JPH3: variants seen among roughly 807,000 people sequenced by gnomAD.
The protein encoded by JPH3 is junctophilin-3.
A neutral mutation model predicts 59.6 loss-of-function variants in JPH3; 11 were observed. The observed-to-expected ratio is 0.18, with a 90% CI of 0.12 to 0.31. JPH3 has a LOEUF of 0.31. JPH3 is among the 10% of genes least tolerant of loss of function. The pLI is 1.00. For synonymous variants in JPH3, 673 were observed against 483.6 expected, an observed-to-expected ratio of 1.39 and a Z score of -5.14; for missense variants, 1,202 against 1,105.7, an observed-to-expected ratio of 1.09 and a Z score of -1.24.
chr16:87,652,772 G>A (rs927762531), intron 2 of JPH3, among the ~76,000 whole-genome samples: 4 of 152,324 alleles, frequency 2.6e-5, no homozygotes, highest in East Asian at 1.9e-4. Context: ...GGTGGCAGCC[G>A]GTGTGCTGGT....
intron 2 of JPH3, among the ~76,000 whole-genome samples, chr16:87,681,047 C>A (rs556657442): frequency 2.0e-5 from 3 of 152,162 alleles, no homozygotes. Flanking sequence ...CGGGAGCTTA[C>A]GGGAGTGGGA....
intron 1 of JPH3, among the ~76,000 whole-genome samples, chr16:87,620,671 C>T (rs1018853774): frequency 6.6e-6 from 1 of 152,158 alleles, no homozygotes; most frequent in African/African-American, 2.4e-5. Flanking sequence ...TTGCGTCTTT[C>T]CTTGGATTCC....
chr16:87,661,898 C>T (rs1160880939), intron 2 of JPH3, among the ~76,000 whole-genome samples: 6 of 152,240 alleles, frequency 3.9e-5, no homozygotes, highest in Non-Finnish European at 7.3e-5. Context: ...CATTGCCTCA[C>T]ACTCACGTCC....
At chr16:87,675,561 G>A (rs543364486) in intron 2 of JPH3, among the ~76,000 whole-genome samples, 57 of 152,362 alleles carry the variant, frequency 3.7e-4, no homozygotes, top group African/African-American at 1.2e-3. Flanking sequence ...TGGCACAGCC[G>A]TGCTGTGGGA....
At chr16:87,652,283 G>T (rs1216215332) in intron 2 of JPH3, among the ~76,000 whole-genome samples, 1 of 152,186 alleles carries the variant, frequency 6.6e-6, no homozygotes, top group Non-Finnish European at 1.5e-5. Flanking sequence ...CCTGTTAGAA[G>T]TTGCCGCCTC....
At chr16:87,620,858 T>G (rs944306753) in intron 1 of JPH3, among the ~76,000 whole-genome samples, 1 of 152,150 alleles carries the variant, frequency 6.6e-6, no homozygotes, top group Non-Finnish European at 1.5e-5. Context: ...TTAGGAGCAT[T>G]CGAAAGAAAC....
At chr16:87,606,942 A>G (rs1784567245) in intron 1 of JPH3, among the ~76,000 whole-genome samples, 1 of 152,204 alleles carries the variant, frequency 6.6e-6, no homozygotes, top group South Asian at 2.1e-4. Flanking sequence ...CTCATTTTCC[A>G]CACTGGGAAG....
chr16:87,662,154 C>T (rs1315250319), intron 2 of JPH3, among the ~76,000 whole-genome samples: 1 of 152,212 alleles, frequency 6.6e-6, no homozygotes, highest in Non-Finnish European at 1.5e-5. Context: ...CTGCCCTGGG[C>T]ACAGGGACAT....
At chr16:87,664,507 C>A (rs547583049) in intron 2 of JPH3, among the ~76,000 whole-genome samples, 114 of 152,076 alleles carry the variant, frequency 7.5e-4, no homozygotes, top group African/African-American at 2.3e-3. Flanking sequence ...CGCCTGTAAT[C>A]CCAGCTACTG....
At chr16:87,604,487 C>G (rs959164399) in intron 1 of JPH3, 37 of 1,335,726 alleles carry the variant, frequency 2.8e-5, no homozygotes, top group Admixed American at 2.4e-5. Flanking sequence ...CCAGTCCACT[C>G]CCATGTGGGA....
chr16:87,607,746 G>A (rs920661011), intron 1 of JPH3, among the ~76,000 whole-genome samples: 1 of 152,266 alleles, frequency 6.6e-6, no homozygotes, highest in African/African-American at 2.4e-5. Context: ...TATGCAACAA[G>A]TAATTTCTTT....
intron 1 of JPH3, among the ~76,000 whole-genome samples, chr16:87,629,918 G>A (rs770293503): frequency 3.3e-5 from 5 of 152,194 alleles, no homozygotes; most frequent in Non-Finnish European, 7.3e-5. Context: ...AGGGGATACA[G>A]TATATGGGAA....
At chr16:87,677,462 T>C (rs2033181515) in intron 2 of JPH3, among the ~76,000 whole-genome samples, 1 of 152,212 alleles carries the variant, frequency 6.6e-6, no homozygotes, top group South Asian at 2.1e-4. Context: ...AGGTATCTTA[T>C]CCAGCATAAG....
At chr16:87,635,113 ATGAG>A (rs1567591082) in intron 1 of JPH3, among the ~76,000 whole-genome samples, 3 of 151,946 alleles carry the variant, frequency 2.0e-5, no homozygotes, top group Non-Finnish European at 4.4e-5. Context: ...GGGGCCGCAC[ATGAG>A]TGAGTGTCTC....
rs768600969 is a variant in JPH3 at position 87,644,427 on chromosome 16, G to GGTGGCCGGCAGCCCGGCC, written c.556_573dup (p.Ala186_Val191dup). ...CGCTGCATCCCGACGCCTCTCCGGC[G>GGTGGCCGGCAGCCCGGCC]GTGGCCGGCAGCCCGGCCGTGTCCC... is the stretch of plus-strand genomic sequence containing the variant. On this transcript the variant is annotated inframe_insertion, in exon 2 of 5. Coordinates refer to ENST00000284262, the MANE Select transcript of JPH3 (RefSeq NM_020655.4). 171 of 1,611,938 alleles carry GGTGGCCGGCAGCCCGGCC rather than the reference G, an allele frequency of 1.1e-4. 3 individuals are homozygous for GGTGGCCGGCAGCCCGGCC. The highest frequency in any genetic ancestry group is 1.3e-5 in the Non-Finnish European group (15 of 1,179,392).
rs141684621 is a variant in JPH3 at position 87,691,971 on chromosome 16, C to T, written c.2166+1445C>T. Among the ~76,000 whole-genome samples, 21 of 152,228 alleles carry T rather than the reference C, an allele frequency of 1.4e-4. No individual in the cohort carries two copies. In the East Asian group the frequency reaches 3.7e-3, roughly 27 times the overall value. ...TTTTGGGTGCTTTTAAATGAACCTC[C>T]CTGGGGGTCAATGCACAAGCTGGGG... On this transcript the variant is annotated intron_variant, in intron 4 of 4. Coordinates refer to ENST00000284262, the MANE Select transcript of JPH3 (RefSeq NM_020655.4).
chr16:87,664,952 G>A (rs896801151), intron 2 of JPH3, among the ~76,000 whole-genome samples: 50 of 152,234 alleles, frequency 3.3e-4, no homozygotes, highest in African/African-American at 1.2e-3. Flanking sequence ...CCTGTCCCCT[G>A]AAACCGCCAC....
intron 1 of JPH3, among the ~76,000 whole-genome samples, chr16:87,633,505 A>G (rs536697548): frequency 1.3e-5 from 2 of 151,798 alleles, no homozygotes; most frequent in South Asian, 4.2e-4. Flanking sequence ...TTATATATAT[A>G]TATATTAAAT....
intron 2 of JPH3, among the ~76,000 whole-genome samples, chr16:87,663,111 C>CTTTTTT (rs1466941392): frequency 1.5e-5 from 2 of 129,438 alleles, no homozygotes; most frequent in African/African-American, 6.5e-5. Flanking sequence ...AGGTTAATTT[C>CTTTTTT]TTTCTTTTTT....
Sources: gnomAD v4.1 joint callset for allele counts (sites outside exome capture counted in the v4.1 genomes callset) on GRCh38, gnomAD v4.1.1 for gene constraint, MANE v1.5 for transcripts, NCBI Gene and HGNC (gene_info 2026-07-23, HGNC 2026-07-21) for gene names.